Variants in KCNB2 observed in about 807,000 individuals in gnomAD.
The protein encoded by KCNB2 is delayed rectifier potassium channel protein.
A neutral mutation model predicts 61.5 loss-of-function variants in KCNB2; 15 were observed. The ratio of observed to expected loss-of-function variants is 0.24; its 90% CI spans 0.16 to 0.38. The LOEUF (loss-of-function observed/expected upper bound fraction) is 0.38, where lower values mean the gene tolerates loss of function less well. Among genes scored for constraint, KCNB2 ranks in the 10% least tolerant of loss-of-function variants. The pLI is 1.00. For missense variants in KCNB2, 828 were observed against 1,125.2 expected (o/e 0.74, Z 3.78); for synonymous variants, 457 against 446.0 (o/e 1.02, Z -0.31).
chr8:72,599,765 C>T (rs1223535391), intron 2 of KCNB2, among the ~76,000 whole-genome samples: 1 of 152,090 alleles, frequency 6.6e-6, no homozygotes, highest in Non-Finnish European at 1.5e-5. Flanking sequence ...AAACAAACAA[C>T]CCCATCAAAA....
intron 2 of KCNB2, among the ~76,000 whole-genome samples, chr8:72,703,948 C>G (rs1019911719): frequency 2.6e-5 from 4 of 152,112 alleles, no homozygotes; most frequent in Non-Finnish European, 5.9e-5. Context: ...TGATTCTATG[C>G]TTAAAAATGT....
At chr8:72,561,705 A>ACG (rs1563523324) in intron 1 of KCNB2, among the ~76,000 whole-genome samples, 17 of 20,240 alleles carry the variant, frequency 8.4e-4, no homozygotes, top group East Asian at 3.3e-3. Context: ...ATATATATAT[A>ACG]TATATATATA....
chr8:72,775,961 T>C (rs1021632251), intron 2 of KCNB2, among the ~76,000 whole-genome samples: 1 of 152,136 alleles, frequency 6.6e-6, no homozygotes, highest in African/African-American at 2.4e-5. Flanking sequence ...CATATGTTCA[T>C]TGCGGCACTA....
intron 2 of KCNB2, among the ~76,000 whole-genome samples, chr8:72,728,119 G>T (rs979468589): frequency 6.6e-6 from 1 of 152,134 alleles, no homozygotes; most frequent in Non-Finnish European, 1.5e-5. Flanking sequence ...AAGAATGGAG[G>T]CCAACTCTCC....
Position 72,865,850 on chromosome 8 carries a change from A to C in KCNB2, c.580-70085A>C, listed in dbSNP as rs572533846. Among the ~76,000 whole-genome samples, 212 of 151,966 alleles carry C rather than the reference A, an allele frequency of 1.4e-3. 1 individual carries two copies. Among genetic ancestry groups the C allele is most frequent in the Non-Finnish European group, 2.4e-3 (166 of 67,950 alleles). The stretch of plus-strand genomic sequence containing the variant: ...CCTGACCCCCATCCACTCTAACTTC[A>C]CTTTGTCCCTTTCCTTTTGGTGTTC... On this transcript the variant is annotated intron_variant, in intron 2 of 2. Coordinates refer to ENST00000523207, the MANE Select transcript of KCNB2 (RefSeq NM_004770.3).
At chr8:72,763,322 C>A (rs1478528470) in intron 2 of KCNB2, among the ~76,000 whole-genome samples, 1 of 78,152 alleles carries the variant, frequency 1.3e-5, no homozygotes, top group East Asian at 4.7e-4. Flanking sequence ...AATCCTGAGT[C>A]TCCTTTTTTT....
At chr8:72,596,970 C>G (rs905378928) in intron 2 of KCNB2, among the ~76,000 whole-genome samples, 4 of 145,236 alleles carry the variant, frequency 2.8e-5, no homozygotes, top group Admixed American at 2.1e-4. Flanking sequence ...GGGAAACAGC[C>G]AACCAGCATG....
intron 2 of KCNB2, among the ~76,000 whole-genome samples, chr8:72,782,450 G>A (rs898601665): frequency 3.3e-5 from 5 of 152,022 alleles, no homozygotes; most frequent in Non-Finnish European, 5.9e-5. Context: ...TCGTTTGCTG[G>A]CTCTGGGTCT....
chr8:72,680,296 G>C (rs956663480), intron 2 of KCNB2, among the ~76,000 whole-genome samples: 1 of 152,204 alleles, frequency 6.6e-6, no homozygotes, highest in Non-Finnish European at 1.5e-5. Flanking sequence ...ACCTCAGTTT[G>C]AGGGAGTGTG....
intron 2 of KCNB2, among the ~76,000 whole-genome samples, chr8:72,630,954 C>G (rs1805868934): frequency 6.6e-6 from 1 of 152,098 alleles, no homozygotes; most frequent in Non-Finnish European, 1.5e-5. Context: ...TTCCAAGCCC[C>G]CCATGGATGC....
intron 2 of KCNB2, among the ~76,000 whole-genome samples, chr8:72,893,892 T>C (rs900137219): frequency 6.6e-6 from 1 of 152,080 alleles, no homozygotes; most frequent in African/African-American, 2.4e-5. Context: ...AATAACACAA[T>C]AATAAAGTCA....
chr8:72,677,225 T>C (rs949776889), intron 2 of KCNB2, among the ~76,000 whole-genome samples: 5 of 152,174 alleles, frequency 3.3e-5, no homozygotes, highest in African/African-American at 9.7e-5. Context: ...AGAGCAGTCA[T>C]AGTCCTGCTG....
chr8:72,821,675 G>T (rs888908911), intron 2 of KCNB2, among the ~76,000 whole-genome samples: 1 of 130,530 alleles, frequency 7.7e-6, no homozygotes, highest in Non-Finnish European at 1.6e-5. Context: ...CACACACCAA[G>T]CCCCCACAGT....
chr8:72,743,442 G>A (rs1808000753), intron 2 of KCNB2, among the ~76,000 whole-genome samples: 1 of 152,168 alleles, frequency 6.6e-6, no homozygotes, highest in Admixed American at 6.6e-5. Flanking sequence ...TTTATCTAGA[G>A]AATAAATATT....
chr8:72,584,243 T>C (rs768295158), intron 2 of KCNB2, among the ~76,000 whole-genome samples: 4 of 152,108 alleles, frequency 2.6e-5, no homozygotes, highest in African/African-American at 4.8e-5. Flanking sequence ...AGACAACATA[T>C]AGACACACAT....
chr8:72,749,754 GC>G (rs1808154892), intron 2 of KCNB2, among the ~76,000 whole-genome samples: 1 of 144,056 alleles, frequency 6.9e-6, no homozygotes, highest in Non-Finnish European at 1.5e-5. Flanking sequence ...TTTTGTATAT[GC>G]CAATATATAT....
intron 2 of KCNB2, chr8:72,619,011 T>C: frequency 3.0e-6 from 1 of 328,578 alleles, no homozygotes. Context: ...TTTTAGAACA[T>C]CCCTGTTCTG....
chr8:72,561,786 TATAC>T (rs1436868063), intron 1 of KCNB2, among the ~76,000 whole-genome samples: 1,347 of 75,580 alleles, frequency 0.018, 149 homozygotes, highest in African/African-American at 0.096. Flanking sequence ...TGGATATATA[TATAC>T]ATATATATAT....
chr8:72,890,457 A>G (rs961151663), intron 2 of KCNB2, among the ~76,000 whole-genome samples: 13 of 152,160 alleles, frequency 8.5e-5, no homozygotes, highest in African/African-American at 2.9e-4. Flanking sequence ...TCTTAGTAAG[A>G]CTATGGCACA....
Sources: allele counts gnomAD v4.1 joint callset (sites outside exome capture counted in the v4.1 genomes callset), GRCh38; gene constraint gnomAD v4.1.1; transcripts MANE v1.5; gene names NCBI Gene and HGNC (gene_info 2026-07-23, HGNC 2026-07-21).